The following CACNA2D3 variants were observed in gnomAD, a reference collection of about 807,000 sequenced individuals.
CACNA2D3 encodes the protein calcium voltage-gated channel auxiliary subunit alpha2delta 3.
A neutral mutation model predicts 160.6 loss-of-function variants in CACNA2D3; 60 were observed. That is an observed-to-expected ratio of 0.37 (90% confidence interval 0.30 to 0.46). The LOEUF (loss-of-function observed/expected upper bound fraction) is 0.46. CACNA2D3 is among the 20% of genes least tolerant of loss of function. The probability of loss-of-function intolerance (pLI) is 1.00; values close to 1 mark genes in which losing one functional copy is unlikely to be tolerated. For synonymous variants in CACNA2D3, 558 were observed against 492.9 expected, an observed-to-expected ratio of 1.13 and a Z score of -1.75; for missense variants, 1,205 against 1,365.0, an observed-to-expected ratio of 0.88 and a Z score of 1.85.
intron 5 of CACNA2D3, among the ~76,000 whole-genome samples, chr3:54,529,862 A>G (rs6414583): frequency 0.99 from 151,428 of 152,294 alleles, 75,288 homozygotes; most frequent in Middle Eastern, 1. Context: ...ACAAGCGGCC[A>G]TCAGGAATTT....
At chr3:54,885,607 G>A in intron 23 of CACNA2D3, 21 bp downstream of exon 23, 2 of 1,581,626 alleles carry the variant, frequency 1.3e-6, no homozygotes, top group Non-Finnish European at 8.7e-7. Context: ...TTTCAAAAGT[G>A]TGCTGTGCCT....
At chr3:54,336,486 C>T (rs534768737) in intron 3 of CACNA2D3, among the ~76,000 whole-genome samples, 11 of 152,244 alleles carry the variant, frequency 7.2e-5, no homozygotes, top group African/African-American at 2.6e-4. Flanking sequence ...TCAGGCCGGT[C>T]CTTAATGGAG....
chr3:54,443,727 A>G (rs1559482519), intron 4 of CACNA2D3, among the ~76,000 whole-genome samples: 1 of 152,166 alleles, frequency 6.6e-6, no homozygotes, highest in East Asian at 1.9e-4. Context: ...CAGCCTTCAC[A>G]TTCGTCTCTT....
chr3:54,920,000 T>C (rs1210218072), intron 27 of CACNA2D3, among the ~76,000 whole-genome samples: 2 of 152,174 alleles, frequency 1.3e-5, no homozygotes, highest in East Asian at 1.9e-4. Flanking sequence ...GCCTTTTGAT[T>C]GGACAGAACT....
chr3:54,647,745 G>T (rs1197143303), intron 11 of CACNA2D3, among the ~76,000 whole-genome samples: 2 of 152,236 alleles, frequency 1.3e-5, no homozygotes, highest in Non-Finnish European at 2.9e-5. Flanking sequence ...GAGTGAGTTG[G>T]AAGAAGGAAT....
In CACNA2D3 at chr3:54,767,122, C is replaced by T. The variant is rs76405408; in HGVS notation, c.1380+2771C>T. Among the ~76,000 whole-genome samples the T allele has an allele frequency of 2.6e-5, 4 of 151,748 alleles. No homozygotes were observed. The East Asian group carries it at 7.9e-4, about 30-fold the overall frequency. On this transcript the variant is annotated intron_variant, in intron 13 of 37. Transcript: ENST00000474759. ...ACACAACTCTGAGTATACCTTTTTG[C>T]ACAGTTTTGACTTTTGAAAGCATAT... is the stretch of plus-strand genomic sequence containing the variant.
intron 11 of CACNA2D3, among the ~76,000 whole-genome samples, chr3:54,710,457 C>A (rs927482266): frequency 6.6e-5 from 10 of 152,150 alleles, no homozygotes; most frequent in Non-Finnish European, 1.3e-4. Context: ...CTTTAACGTG[C>A]GGTCTTGACA....
chr3:54,968,086 T>G (rs1466680781), intron 27 of CACNA2D3, among the ~76,000 whole-genome samples: 1 of 152,138 alleles, frequency 6.6e-6, no homozygotes, highest in South Asian at 2.1e-4. Flanking sequence ...CAGTAATAGC[T>G]GACAGGAACT....
intron 4 of CACNA2D3, among the ~76,000 whole-genome samples, chr3:54,474,083 A>G (rs928003153): frequency 1.3e-4 from 20 of 152,194 alleles, no homozygotes; most frequent in Non-Finnish European, 2.2e-4. Context: ...ATTCTACTAT[A>G]CAGACATATG....
At chr3:54,674,734 G>T (rs1700210967) in intron 11 of CACNA2D3, among the ~76,000 whole-genome samples, 2 of 152,172 alleles carry the variant, frequency 1.3e-5, no homozygotes, top group African/African-American at 4.8e-5. Flanking sequence ...GGTAGACAGT[G>T]GAGGATCAAC....
chr3:54,553,506 G>A (rs1029247838), intron 5 of CACNA2D3, among the ~76,000 whole-genome samples: 4 of 152,170 alleles, frequency 2.6e-5, no homozygotes, highest in South Asian at 2.1e-4. Flanking sequence ...CTCCAGCCTT[G>A]TTTAAGGCAG....
rs75404358 is a variant in CACNA2D3, at chr3:54,878,848, T to G, written c.1711-170T>G. 4.5e-3 allele frequency: 2,095 copies of G among 467,866 alleles called. 49 individuals are homozygous for G. The highest frequency in any genetic ancestry group is 0.038 in the African/African-American group (1,887 of 49,136). 29.0% of individuals were successfully genotyped at this position (467,866 alleles called of 1,614,324 possible). The stretch of plus-strand genomic sequence containing the variant: ...GATGAAGGTCATTTATTTATTGTTG[T>G]TAGCCTGTCTCCCATTGTACATGAG... On this transcript the variant is annotated intron_variant, in intron 18 of 37. Transcript: ENST00000474759.
chr3:54,323,206 G>C (rs1463163726), intron 3 of CACNA2D3, among the ~76,000 whole-genome samples: 2 of 152,198 alleles, frequency 1.3e-5, no homozygotes, highest in African/African-American at 4.8e-5. Context: ...GAAGCAGTGA[G>C]TGTGACTCTT....
chr3:54,572,199 C>G (rs914075819), intron 8 of CACNA2D3, among the ~76,000 whole-genome samples: 11 of 152,154 alleles, frequency 7.2e-5, no homozygotes, highest in Admixed American at 2.6e-4. Context: ...TGATCAGACT[C>G]TCAGAACAAA....
intron 27 of CACNA2D3, among the ~76,000 whole-genome samples, chr3:54,947,270 C>G (rs1241964761): frequency 6.6e-6 from 1 of 152,280 alleles, no homozygotes; most frequent in South Asian, 2.1e-4. Flanking sequence ...TCTATGCTGC[C>G]TCTTAACTTT....
intron 35 of CACNA2D3, among the ~76,000 whole-genome samples, chr3:55,036,244 C>G (rs534882571): frequency 1.3e-5 from 2 of 151,846 alleles, no homozygotes; most frequent in Admixed American, 1.3e-4. Context: ...GTGAGGAGTT[C>G]GAGACCAGCC....
chr3:54,461,746 T>C (rs1350751765), intron 4 of CACNA2D3, among the ~76,000 whole-genome samples: 2 of 152,114 alleles, frequency 1.3e-5, no homozygotes, highest in East Asian at 1.9e-4. Flanking sequence ...TTGATTAATT[T>C]TTTGAAGGGT....
intron 11 of CACNA2D3, among the ~76,000 whole-genome samples, chr3:54,674,421 T>TG (rs1475100492): frequency 1.3e-5 from 2 of 152,138 alleles, no homozygotes; most frequent in African/African-American, 2.4e-5. Flanking sequence ...GTATAATTGT[T>TG]GCCTTAGGAG....
At chr3:54,811,445 G>A (rs182509763) in intron 13 of CACNA2D3, among the ~76,000 whole-genome samples, 3 of 137,716 alleles carry the variant, frequency 2.2e-5, no homozygotes, top group Admixed American at 1.6e-4. Flanking sequence ...CCAGTGTGCT[G>A]ATCCTGTTCT....
Sources: allele counts gnomAD v4.1 joint callset (sites outside exome capture counted in the v4.1 genomes callset), GRCh38; gene constraint gnomAD v4.1.1; transcripts MANE v1.5; gene names NCBI Gene and HGNC (gene_info 2026-07-23, HGNC 2026-07-21).